The following SIPA1L2 variants were observed in gnomAD, a reference collection of about 807,000 sequenced individuals.
SIPA1L2 encodes signal-induced proliferation-associated 1-like protein 2.
In SIPA1L2, 56 loss-of-function variants were observed where a neutral mutation model predicts 163.9. The ratio of observed to expected loss-of-function variants is 0.34; its 90% confidence interval spans 0.28 to 0.43. SIPA1L2 has a LOEUF of 0.43. SIPA1L2 is among the 20% of genes least tolerant of loss of function. The pLI is 1.00. For synonymous variants in SIPA1L2, 877 were observed against 865.7 expected (o/e 1.01, Z -0.23); for missense variants, 1,974 against 2,193.5 (o/e 0.90, Z 2.00).
At chr1:232,406,487 A>T (rs1250756764) in intron 19 of SIPA1L2, among the ~76,000 whole-genome samples, 1 of 152,278 alleles carries the variant, frequency 6.6e-6, no homozygotes. Flanking sequence ...TGAATAGTCA[A>T]CAGGCTATTC....
In SIPA1L2 at chr1:232,514,835, T is replaced by C; in HGVS notation, c.505A>G (p.Ile169Val). 1 of 1,614,220 alleles carries C rather than the reference T, an allele frequency of 6.2e-7. No individual in the cohort carries two copies. The highest frequency in any genetic ancestry group is 8.5e-7 in the Non-Finnish European group (1 of 1,180,042). ...RSNSDVTISDIDAEDVLDQNA... is the reference protein window; with the variant it reads ...RSNSDVTISDVDAEDVLDQNA... The stretch of plus-strand genomic sequence containing the variant: ...TGGTCTAAGACATCTTCGGCATCAA[T>C]GTCACTGATAGTGACATCACTATTG... Residue 169 changes from isoleucine (I) to valine (V), a missense_variant, in exon 3 of 23, where the codon ATT becomes GTT. By Grantham distance (29) the Ile-to-Val change is conservative. Transcript: ENST00000674635.
intron 10 of SIPA1L2, among the ~76,000 whole-genome samples, chr1:232,455,887 G>C (rs1022440639): frequency 5.3e-5 from 8 of 151,984 alleles, no homozygotes; most frequent in African/African-American, 1.9e-4. Context: ...GCTTACAAGC[G>C]GGAGCTAAAC....
intron 18 of SIPA1L2, among the ~76,000 whole-genome samples, chr1:232,423,129 T>A (rs189239449): frequency 2.6e-5 from 4 of 152,292 alleles, no homozygotes; most frequent in Admixed American, 1.3e-4. Context: ...ATAACTGATA[T>A]TGTATAGTGT....
chr1:232,428,537 G>T lies in SIPA1L2; in HGVS notation c.4284C>A (p.Ser1428=). ...CCACTGTCTGATGCTGAGTTGCTGTGGACATGACATCCATCTCACTATACA... is the reference window on the plus strand; with the variant it reads ...CCACTGTCTGATGCTGAGTTGCTGTTGACATGACATCCATCTCACTATACA... ...PGMYSEMDVM[S]TATQHQTVVG... The change falls in exon 17 of 23, where the codon TCC becomes TCA. Residue 1428 remains serine, a synonymous_variant. Coordinates refer to ENST00000674635, the MANE Select transcript of SIPA1L2 (RefSeq NM_020808.5). The T allele has an allele frequency of 6.3e-7, 1 of 1,580,314 alleles. No homozygotes were observed. The highest frequency in any genetic ancestry group is 8.6e-7 in the Non-Finnish European group (1 of 1,166,460).
intron 19 of SIPA1L2, among the ~76,000 whole-genome samples, chr1:232,413,322 C>T (rs1661061312): frequency 6.6e-6 from 1 of 152,170 alleles, no homozygotes; most frequent in African/African-American, 2.4e-5. Flanking sequence ...AGGCCTATGG[C>T]CCAGAAATGG....
At chr1:232,522,657 T>C (rs1218929071) in intron 2 of SIPA1L2, among the ~76,000 whole-genome samples, 1 of 152,234 alleles carries the variant, frequency 6.6e-6, no homozygotes, top group Admixed American at 6.5e-5. Context: ...GCTGCTGAGA[T>C]GATGGTAAAG....
intron 15 of SIPA1L2, among the ~76,000 whole-genome samples, chr1:232,437,470 A>G (rs1662632427): frequency 6.6e-6 from 1 of 152,222 alleles, no homozygotes; most frequent in African/African-American, 2.4e-5. Context: ...AGTAGTAGGA[A>G]TGTCTATTTT....
chr1:232,524,969 A>AT (rs760592141), intron 2 of SIPA1L2, among the ~76,000 whole-genome samples: 3 of 152,086 alleles, frequency 2.0e-5, no homozygotes, highest in Non-Finnish European at 2.9e-5. Flanking sequence ...TAAATATAAC[A>AT]TTTTTTTAAG....
At chr1:232,486,113 GAAACCCCT>G (rs1478043873) in intron 5 of SIPA1L2, among the ~76,000 whole-genome samples, 6 of 152,276 alleles carry the variant, frequency 3.9e-5, no homozygotes, top group African/African-American at 1.4e-4. Flanking sequence ...TCTGCAAGAG[GAAACCCCT>G]TCCTCTCCTC....
intron 8 of SIPA1L2, among the ~76,000 whole-genome samples, chr1:232,466,606 C>T (rs932738979): frequency 8.6e-5 from 13 of 151,964 alleles, no homozygotes; most frequent in African/African-American, 2.4e-4. Context: ...CTAGCTAGCA[C>T]GGTGAAACCC....
intron 1 of SIPA1L2, among the ~76,000 whole-genome samples, chr1:232,588,291 C>T (rs1660777149): frequency 6.6e-6 from 1 of 152,164 alleles, no homozygotes; most frequent in South Asian, 2.1e-4. Context: ...GGCTATCTGG[C>T]AGGCATTTTA....
chr1:232,495,141 T>C (rs1162470731), intron 3 of SIPA1L2, among the ~76,000 whole-genome samples: 1 of 152,236 alleles, frequency 6.6e-6, no homozygotes, highest in Non-Finnish European at 1.5e-5. Flanking sequence ...AAGCCACTAA[T>C]GAATACTGGC....
chr1:232,596,909 C>T (rs1055826322), intron 1 of SIPA1L2, among the ~76,000 whole-genome samples: 1 of 152,180 alleles, frequency 6.6e-6, no homozygotes, highest in African/African-American at 2.4e-5. Flanking sequence ...ACCAGGCCAC[C>T]GTGCAGGCAA....
At chr1:232,539,193 G>C (rs1573048482) in intron 2 of SIPA1L2, among the ~76,000 whole-genome samples, 1 of 152,210 alleles carries the variant, frequency 6.6e-6, no homozygotes, top group African/African-American at 2.4e-5. Context: ...CAACTCCTCT[G>C]TCTAACCTGA....
At chr1:232,468,297 C>A (rs1162483130) in intron 8 of SIPA1L2, among the ~76,000 whole-genome samples, 2 of 152,198 alleles carry the variant, frequency 1.3e-5, no homozygotes, top group East Asian at 3.9e-4. Context: ...TAAGGCCCCT[C>A]CAGCAAAAGC....
At chr1:232,423,352 CAGA>C in intron 18 of SIPA1L2, among the ~76,000 whole-genome samples, 1 of 152,152 alleles carries the variant, frequency 6.6e-6, no homozygotes, top group Non-Finnish European at 1.5e-5. Context: ...TTGTGGTAGT[CAGA>C]AGGCCAGGGA....
At chr1:232,565,116 C>CT (rs1659329413) in intron 2 of SIPA1L2, among the ~76,000 whole-genome samples, 1 of 152,146 alleles carries the variant, frequency 6.6e-6, no homozygotes, top group Non-Finnish European at 1.5e-5. Context: ...TAGTAAGTGT[C>CT]TAACAGTTGA....
rs781541621 is a variant in SIPA1L2 at position 232,404,149 on chromosome 1, G to A, written c.4792C>T (p.Leu1598Phe). The A allele has an allele frequency of 3.8e-5, 62 of 1,613,994 alleles. No individual in the cohort carries two copies. Among genetic ancestry groups the A allele is most frequent in the Admixed American group, 3.8e-4 (23 of 59,992 alleles). The change falls in exon 20 of 23, where the codon CTC becomes TTC. Residue 1598 changes from leucine (L) to phenylalanine (F), a missense_variant. Coordinates refer to ENST00000674635, the MANE Select transcript of SIPA1L2 (RefSeq NM_020808.5). ...CCTAGATAGGACGTGTGGTGACAGA[G>A]CAGCCCCAGTTCTTCATCTGAGTCA... ...GLDSDEELGL[L>F]CHHTSYLDQR...
In SIPA1L2 at chr1:232,607,202, G is replaced by C. The variant is rs201214660; in HGVS notation, c.-319+22667C>G. The stretch of plus-strand genomic sequence containing the variant: ...ATAATTACACATAACACAACCACAA[G>C]TAATAACCATTGTAAATTTTTTAAT... On this transcript the variant is annotated intron_variant, in intron 1 of 22. Coordinates refer to ENST00000674635, the MANE Select transcript of SIPA1L2 (RefSeq NM_020808.5). 4.6e-4 allele frequency among the ~76,000 whole-genome samples: 35 copies of C among 75,710 alleles called. 1 individual carries two copies. Among genetic ancestry groups the C allele is most frequent in the African/African-American group, 1.2e-3 (34 of 27,582 alleles). The allele number at this position is 75,710 out of a possible 152,430, so 49.7% of individuals were successfully genotyped here. A position where few individuals can be genotyped will look rare whatever the true frequency, so the allele number is the denominator to read the frequency against.
Sources: allele counts gnomAD v4.1 joint callset (sites outside exome capture counted in the v4.1 genomes callset), GRCh38; gene constraint gnomAD v4.1.1; transcripts MANE v1.5; gene names NCBI Gene and HGNC (gene_info 2026-07-23, HGNC 2026-07-21).